The following STK33 variants were observed in gnomAD, a reference collection of about 807,000 sequenced individuals.
STK33 encodes the protein serine/threonine kinase 33, also known as serine/threonine-protein kinase 33.
A neutral mutation model predicts 58.0 loss-of-function variants in STK33; 52 were observed. The ratio of observed to expected loss-of-function variants is 0.90; its 90% confidence interval spans 0.72 to 1.13. STK33 has a LOEUF of 1.13. Among genes scored for constraint, STK33 ranks in the 50% most tolerant of loss-of-function variants. STK33 has a pLI of 0.00. For missense variants in STK33, 630 were observed against 604.2 expected, an observed-to-expected ratio of 1.04 and a Z score of -0.45; for synonymous variants, 215 against 200.1, an observed-to-expected ratio of 1.07 and a Z score of -0.63.
intron 1 of STK33, among the ~76,000 whole-genome samples, chr11:8,589,551 G>T (rs1166076208): frequency 6.6e-6 from 1 of 152,140 alleles, no homozygotes; most frequent in Non-Finnish European, 1.5e-5. Flanking sequence ...CTTCCTGAGG[G>T]TGATAAAAAT....
At chr11:8,394,436 T>G (rs143251999) in intron 15 of STK33, among the ~76,000 whole-genome samples, 2 of 152,238 alleles carry the variant, frequency 1.3e-5, no homozygotes, top group Admixed American at 1.3e-4. Flanking sequence ...ATCCAAGTTG[T>G]TGAGGAAGTA....
At chr11:8,583,041 T>C (rs1390237922) in intron 1 of STK33, among the ~76,000 whole-genome samples, 2 of 152,228 alleles carry the variant, frequency 1.3e-5, no homozygotes, top group African/African-American at 4.8e-5. Flanking sequence ...AAGAAGCTTA[T>C]TTCATTGGAC....
intron 11 of STK33, among the ~76,000 whole-genome samples, chr11:8,450,256 G>C (rs1330016966): frequency 6.6e-6 from 1 of 152,096 alleles, no homozygotes; most frequent in Non-Finnish European, 1.5e-5. Context: ...GTCCTTTGCA[G>C]GGACATGGAC....
intron 11 of STK33, among the ~76,000 whole-genome samples, chr11:8,445,770 G>C (rs1452889767): frequency 6.6e-6 from 1 of 152,164 alleles, no homozygotes; most frequent in East Asian, 1.9e-4. Flanking sequence ...TGTGCTGTTG[G>C]ATTCAGTTTG....
rs183874435 is a variant in STK33 at position 8,449,637 on chromosome 11, T to C, written c.871+3185A>G. On this transcript the variant is annotated intron_variant, in intron 11 of 15. Coordinates refer to ENST00000687296, the MANE Select transcript of STK33 (RefSeq NM_001352389.2). ...TCACACACTGGGGCCTGTTGTGGGG[T>C]GGGTGGGGGGAGGGATAGCATTAGG... is the stretch of plus-strand genomic sequence containing the variant. 3.7e-3 allele frequency among the ~76,000 whole-genome samples: 223 copies of C among 60,456 alleles called. 1 individual carries two copies. Among genetic ancestry groups the C allele is most frequent in the Non-Finnish European group, 5.8e-3 (177 of 30,286 alleles). 39.7% of individuals were successfully genotyped at this position (60,456 alleles called of 152,430 possible). A position where few individuals can be genotyped will look rare whatever the true frequency, so the allele number is the denominator to read the frequency against.
the STK33 span, among the ~76,000 whole-genome samples, chr11:8,381,576 G>C: frequency 3.3e-5 from 5 of 152,216 alleles, no homozygotes; most frequent in East Asian, 5.8e-4. Flanking sequence ...AAACATGAGA[G>C]ATCACCTAGC....
chr11:8,445,609 A>C (rs1945340601), intron 11 of STK33, among the ~76,000 whole-genome samples: 3 of 151,502 alleles, frequency 2.0e-5, no homozygotes, highest in South Asian at 4.1e-4. Context: ...AATTTTATCA[A>C]AGGCTTTTTC....
the STK33 span, among the ~76,000 whole-genome samples, chr11:8,353,421 C>T: frequency 6.6e-6 from 1 of 152,214 alleles, no homozygotes; most frequent in African/African-American, 2.4e-5. Context: ...ATCTGTCTCA[C>T]AGAAGCATAG....
chr11:8,402,396 A>G (rs1938215787), intron 15 of STK33, among the ~76,000 whole-genome samples: 2 of 152,198 alleles, frequency 1.3e-5, no homozygotes, highest in South Asian at 4.2e-4. Flanking sequence ...GTTCTCACTC[A>G]TAGGTGGGAA....
At chr11:8,522,715 A>G (rs1168125879) in intron 1 of STK33, among the ~76,000 whole-genome samples, 1 of 152,158 alleles carries the variant, frequency 6.6e-6, no homozygotes, top group African/African-American at 2.4e-5. Flanking sequence ...TCAGCAAAAC[A>G]AAAAAAGGCA....
chr11:8,443,830 T>C (rs979732408), intron 11 of STK33, among the ~76,000 whole-genome samples: 2 of 152,026 alleles, frequency 1.3e-5, no homozygotes, highest in African/African-American at 2.4e-5. Context: ...TCATCTCTAC[T>C]AAAAATTAAA....
intron 15 of STK33, among the ~76,000 whole-genome samples, chr11:8,406,022 A>G (rs1019985319): frequency 2.6e-5 from 4 of 151,984 alleles, no homozygotes; most frequent in Non-Finnish European, 4.4e-5. Flanking sequence ...GGGTGCCTGT[A>G]GTCCCAGCTA....
downstream of STK33, among the ~76,000 whole-genome samples, chr11:8,387,420 C>T (rs1848559101): frequency 6.6e-6 from 1 of 152,200 alleles, no homozygotes. Context: ...GGACACAAGA[C>T]CTTGGACATT....
At chr11:8,383,521 C>T in the STK33 span, among the ~76,000 whole-genome samples, 1 of 152,202 alleles carries the variant, frequency 6.6e-6, no homozygotes, top group Non-Finnish European at 1.5e-5. Flanking sequence ...ACAGTTCAGA[C>T]AGTCCAGGAT....
rs573762009 is a variant in STK33, at chr11:8,561,085, G to A, written c.-466+32998C>T. Among the ~76,000 whole-genome samples, 38 of 152,060 alleles carry A rather than the reference G, an allele frequency of 2.5e-4. 1 individual carries two copies. Among genetic ancestry groups the A allele is most frequent in the African/African-American group, 8.0e-4 (33 of 41,480 alleles). On this transcript the variant is annotated intron_variant, in intron 1 of 15. Coordinates refer to ENST00000687296, the MANE Select transcript of STK33 (RefSeq NM_001352389.2). Reference sequence around the variant, plus strand: ...ACATTTTCTTCTGTTTTCATACAACGCAGTTATTCAGACTTTACTTGGTCT... The same window carrying A: ...ACATTTTCTTCTGTTTTCATACAACACAGTTATTCAGACTTTACTTGGTCT...
At chr11:8,578,079 T>C (rs1958312253) in intron 1 of STK33, among the ~76,000 whole-genome samples, 1 of 152,116 alleles carries the variant, frequency 6.6e-6, no homozygotes, top group Non-Finnish European at 1.5e-5. Context: ...AATCTTCTCT[T>C]TTCTCATTTT....
chr11:8,429,485 C>T (rs552099484), intron 14 of STK33, among the ~76,000 whole-genome samples: 1 of 152,286 alleles, frequency 6.6e-6, no homozygotes, highest in African/African-American at 2.4e-5. Flanking sequence ...TCTCTTACCT[C>T]ACACTTCTAC....
At chr11:8,391,661 G>A (rs1848631076), downstream of STK33, among the ~76,000 whole-genome samples, 1 of 152,188 alleles carries the variant, frequency 6.6e-6, no homozygotes, top group African/African-American at 2.4e-5. Flanking sequence ...TATTCAACCA[G>A]TTTGACTTCA....
chr11:8,444,767 T>C (rs1350552146), intron 11 of STK33, among the ~76,000 whole-genome samples: 1 of 152,094 alleles, frequency 6.6e-6, no homozygotes, highest in Non-Finnish European at 1.5e-5. Context: ...TAATTTAGTA[T>C]AAATTGAAAA....
Sources: allele counts gnomAD v4.1 joint callset (sites outside exome capture counted in the v4.1 genomes callset), GRCh38; gene constraint gnomAD v4.1.1; transcripts MANE v1.5; gene names NCBI Gene and HGNC (gene_info 2026-07-23, HGNC 2026-07-21).